MUSK: variants seen among roughly 807,000 people sequenced by gnomAD.
MUSK encodes muscle, skeletal receptor tyrosine-protein kinase.
In MUSK, 55 loss-of-function variants were observed where a neutral mutation model predicts 88.7. The observed-to-expected ratio is 0.62, with a 90% confidence interval of 0.50 to 0.78. MUSK has a LOEUF of 0.78. Among genes scored for constraint, MUSK ranks in the 30% least tolerant of loss-of-function variants. MUSK has a pLI of 0.00. For synonymous variants in MUSK, 387 were observed against 391.9 expected (o/e 0.99, Z 0.15); for missense variants, 1,015 against 1,074.3 (o/e 0.94, Z 0.77).
At chr9:110,691,684 T>TA (rs2076357886) in intron 3 of MUSK, among the ~76,000 whole-genome samples, 1 of 152,180 alleles carries the variant, frequency 6.6e-6, no homozygotes, top group Non-Finnish European at 1.5e-5. Context: ...TAACCATACA[T>TA]ACGGGCACCA....
Position 110,801,096 on chromosome 9 carries a change from A to G in MUSK, c.*108A>G. 9.0e-6 allele frequency: 9 copies of G among 994,724 alleles called. No individual in the cohort carries two copies. The highest frequency in any genetic ancestry group is 1.3e-5 in the Non-Finnish European group (9 of 715,162). 61.6% of individuals were successfully genotyped at this position (994,724 alleles called of 1,614,324 possible). On this transcript the variant is annotated 3_prime_UTR_variant, in exon 15 of 15. Transcript: ENST00000374448. ...GACCCACATAGGAAAGAGTAAGAGT[A>G]AACATGAGTAGTGTGTTGTTTGCTT...
rs745871157 is a variant in MUSK, at chr9:110,728,723, T to C, written c.629-5528T>C. On this transcript the variant is annotated intron_variant, in intron 5 of 14. Transcript: ENST00000374448. Reference sequence around the variant, plus strand: ...ACCCGAACAAGATACTAAAGGTATTTTTTTTTCTTTCTGCATGGCTTCTTT... The same window carrying C: ...ACCCGAACAAGATACTAAAGGTATTCTTTTTTCTTTCTGCATGGCTTCTTT... 1.7e-5 allele frequency: 26 copies of C among 1,574,882 alleles called. No individual in the cohort carries two copies. In the Middle Eastern group the frequency reaches 1.0e-3, roughly 61 times the overall value.
chr9:110,695,094 G>A (rs2131712500), intron 3 of MUSK, among the ~76,000 whole-genome samples: 1 of 152,226 alleles, frequency 6.6e-6, no homozygotes, highest in African/African-American at 2.4e-5. Context: ...GACAGTCTAT[G>A]TTAATCAGCT....
rs755152064 is a variant in MUSK at position 110,701,680 on chromosome 9, T to TTTTACTTTACTTTACTTTAC, written c.628+4228_628+4229insCTTTACTTTACTTTACTTTA. 2.2e-4 allele frequency among the ~76,000 whole-genome samples: 2 copies of TTTTACTTTACTTTACTTTAC among 8,948 alleles called. 1 individual carries two copies. Among genetic ancestry groups the TTTTACTTTACTTTACTTTAC allele is most frequent in the African/African-American group, 1.8e-3 (2 of 1,122 alleles). The allele number at this position is 8,948 out of a possible 152,430, so 5.9% of individuals were successfully genotyped here. On this transcript the variant is annotated intron_variant, in intron 5 of 14. Transcript: ENST00000374448. ...TATTTTATTTATTTTATTTTATTTT[T>TTTTACTTTACTTTACTTTAC]TTTACTTTACTTTATTTTATTTTAT...
At chr9:110,699,681 A>G (rs1456269531) in intron 5 of MUSK, among the ~76,000 whole-genome samples, 1 of 152,222 alleles carries the variant, frequency 6.6e-6, no homozygotes, top group Non-Finnish European at 1.5e-5. Context: ...AAGTACATGC[A>G]GATGCCTGCT....
chr9:110,744,412 G>T (rs2077146996), intron 6 of MUSK, among the ~76,000 whole-genome samples: 1 of 152,094 alleles, frequency 6.6e-6, no homozygotes, highest in African/African-American at 2.4e-5. Flanking sequence ...CATAGCTGGG[G>T]GTGGATTCTC....
In MUSK at chr9:110,802,079, C is replaced by G. The variant is rs192930853; in HGVS notation, c.*1091C>G. ...GATTTCACAAGATACACTTGTGGCT[C>G]TGAGTTATTTCAAAACTGATATTTC... On this transcript the variant is annotated 3_prime_UTR_variant, in exon 15 of 15. Coordinates refer to ENST00000374448, the MANE Select transcript of MUSK (RefSeq NM_005592.4). Among the ~76,000 whole-genome samples, 6 of 152,292 alleles carry G rather than the reference C, an allele frequency of 3.9e-5. No individual in the cohort carries two copies. The highest frequency in any genetic ancestry group is 3.9e-4 in the Admixed American group (6 of 15,290).
At chr9:110,756,853 GTGTC>G (rs145753237) in intron 7 of MUSK, among the ~76,000 whole-genome samples, 14,299 of 152,002 alleles carry the variant, frequency 0.094, 696 homozygotes, top group Middle Eastern at 0.15. Context: ...ATGTGTGTGT[GTGTC>G]TGTGTATGTT....
intron 9 of MUSK, among the ~76,000 whole-genome samples, chr9:110,772,634 A>T (rs1188746432): frequency 6.6e-6 from 1 of 152,088 alleles, no homozygotes. Flanking sequence ...TCATATATTT[A>T]TGTTCAATCC....
intron 5 of MUSK, among the ~76,000 whole-genome samples, chr9:110,728,051 A>G (rs183517260): frequency 2.0e-5 from 3 of 152,192 alleles, no homozygotes; most frequent in South Asian, 2.1e-4. Flanking sequence ...TTTCTATTCA[A>G]TCTAAACATT....
intron 1 of MUSK, among the ~76,000 whole-genome samples, chr9:110,682,007 AT>A (rs1407307929): frequency 1.3e-5 from 2 of 152,140 alleles, no homozygotes; most frequent in African/African-American, 2.4e-5. Context: ...CTTAAAAAAA[AT>A]AAAATAGAAC....
At chr9:110,743,510 TA>T (rs1437353348) in intron 6 of MUSK, among the ~76,000 whole-genome samples, 5 of 152,180 alleles carry the variant, frequency 3.3e-5, no homozygotes, top group East Asian at 3.8e-4. Context: ...GGCATGCAAC[TA>T]AAAAATATAG....
In MUSK at chr9:110,734,727, C is replaced by T. The variant is rs143490582; in HGVS notation, c.753+352C>T. On this transcript the variant is annotated intron_variant, in intron 6 of 14. Transcript: ENST00000374448. Reference sequence around the variant, plus strand: ...GAGGCTACTTTGATGGAAAGTAATCCGGAGTTAGAATCAGTGTCAGTTCAG... The same window carrying T: ...GAGGCTACTTTGATGGAAAGTAATCTGGAGTTAGAATCAGTGTCAGTTCAG... Among the ~76,000 whole-genome samples, 15 of 152,120 alleles carry T rather than the reference C, an allele frequency of 9.9e-5. 1 individual carries two copies. Among genetic ancestry groups the T allele is most frequent in the African/African-American group, 2.6e-4 (11 of 41,518 alleles).
chr9:110,749,878 TG>T (rs1373288227), intron 7 of MUSK, among the ~76,000 whole-genome samples: 1 of 152,126 alleles, frequency 6.6e-6, no homozygotes, highest in Non-Finnish European at 1.5e-5. Context: ...ACAAAGCATA[TG>T]AACAGGAGAA....
Position 110,776,618 on chromosome 9 carries a change from C to A in MUSK, c.1361-14C>A. The A allele has an allele frequency of 6.3e-7, 1 of 1,595,138 alleles. No individual in the cohort carries two copies. The highest frequency in any genetic ancestry group is 2.2e-5 in the East Asian group (1 of 44,536). ...ATGCTCACTTAAAACAAATTTTTAT[C>A]CTTTCCCCTTCAGATTATAACAAAG... On this transcript the variant is annotated splice_polypyrimidine_tract_variant and intron_variant, in intron 10 of 14. Transcript: ENST00000374448.
At chr9:110,706,148 T>C in intron 5 of MUSK, 1 of 523,658 alleles carries the variant, frequency 1.9e-6, no homozygotes, top group Non-Finnish European at 3.9e-6. Flanking sequence ...TGTCCCCAAA[T>C]ATGAGAATGA....
chr9:110,697,198 G>A, intron 4 of MUSK, 127 bp from the exon 5 acceptor site: 1 of 929,346 alleles, frequency 1.1e-6, no homozygotes, highest in African/African-American at 1.6e-5. Context: ...ATAATAAGTG[G>A]CCAATAAAGG....
chr9:110,800,585 A>C lies in MUSK; in HGVS notation c.2207A>C (p.Asn736Thr). Residue 736 changes from asparagine (N) to threonine (T), a missense_variant, in exon 15 of 15, where the codon AAC becomes ACC. Asn to Thr is a moderately conservative substitution (Grantham distance 65). Transcript: ENST00000374448. ...LATRNCLVGE[N>T]MVVKIADFGL... ...ACCAGGAACTGCCTGGTGGGCGAGA[A>C]CATGGTGGTGAAAATTGCCGACTTT... 6.2e-7 allele frequency: 1 copy of C among 1,613,542 alleles called. No homozygotes were observed. The highest frequency in any genetic ancestry group is 8.5e-7 in the Non-Finnish European group (1 of 1,179,832).
chr9:110,685,354 G>C (rs891151741), intron 2 of MUSK, among the ~76,000 whole-genome samples: 3 of 151,996 alleles, frequency 2.0e-5, no homozygotes, highest in Admixed American at 2.0e-4. Flanking sequence ...TGTTGAATTT[G>C]GTTTGCTAGT....
Sources: gnomAD v4.1 joint callset for allele counts (sites outside exome capture counted in the v4.1 genomes callset) on GRCh38, gnomAD v4.1.1 for gene constraint, MANE v1.5 for transcripts, NCBI Gene and HGNC (gene_info 2026-07-23, HGNC 2026-07-21) for gene names.